RALYL: variants seen among roughly 807,000 people sequenced by gnomAD.
RALYL encodes RALY RNA binding protein like.
A neutral mutation model predicts 35.1 loss-of-function variants in RALYL; 29 were observed. That is an observed-to-expected ratio of 0.83 (90% CI 0.61 to 1.13). The LOEUF is 1.13. RALYL is among the 50% of genes most tolerant of loss of function. The pLI is 0.00. For missense variants in RALYL, 359 were observed against 360.4 expected, an observed-to-expected ratio of 1.00 and a Z score of 0.03; for synonymous variants, 120 against 127.6, an observed-to-expected ratio of 0.94 and a Z score of 0.40.
chr8:84,824,087 A>G (rs1256539260), intron 4 of RALYL, among the ~76,000 whole-genome samples: 2 of 152,156 alleles, frequency 1.3e-5, no homozygotes, highest in African/African-American at 4.8e-5. Flanking sequence ...AGATGACAAG[A>G]TTTTATACCT....
At chr8:84,907,325 C>CACACAA (rs1846693036) in intron 8 of RALYL, among the ~76,000 whole-genome samples, 1 of 149,434 alleles carries the variant, frequency 6.7e-6, no homozygotes, top group Non-Finnish European at 1.5e-5. Flanking sequence ...CACACACACA[C>CACACAA]ACACACACAC....
At chr8:84,396,844 G>A (rs1053906504) in intron 1 of RALYL, among the ~76,000 whole-genome samples, 4 of 152,020 alleles carry the variant, frequency 2.6e-5, no homozygotes, top group Admixed American at 2.6e-4. Flanking sequence ...ATAATCAAGG[G>A]CCTAACATCT....
intron 1 of RALYL, among the ~76,000 whole-genome samples, chr8:84,501,948 G>A (rs747726649): frequency 6.6e-5 from 10 of 151,396 alleles, no homozygotes; most frequent in Non-Finnish European, 1.3e-4. Flanking sequence ...TGAAGCCTTA[G>A]ACCATTGAAA....
chr8:84,431,363 T>G (rs2047121946), intron 1 of RALYL, among the ~76,000 whole-genome samples: 1 of 152,130 alleles, frequency 6.6e-6, no homozygotes, highest in Non-Finnish European at 1.5e-5. Context: ...TTAGGATTTT[T>G]TTTTCGTTCA....
intron 2 of RALYL, among the ~76,000 whole-genome samples, chr8:84,569,321 T>A (rs1332834544): frequency 6.6e-6 from 1 of 152,126 alleles, no homozygotes; most frequent in African/African-American, 2.4e-5. Flanking sequence ...TCCCCATTTC[T>A]TGTTTTTCTC....
At position 84,544,214 on chromosome 8, in the gene RALYL, T is replaced by G. The variant is rs191373178; in HGVS notation, c.256+14637T>G. 2.2e-3 allele frequency among the ~76,000 whole-genome samples: 332 copies of G among 152,090 alleles called. 1 individual carries two copies. Among genetic ancestry groups the G allele is most frequent in the Non-Finnish European group, 3.4e-3 (233 of 67,878 alleles). On this transcript the variant is annotated intron_variant, in intron 2 of 8. Coordinates refer to ENST00000521268, the MANE Select transcript of RALYL (RefSeq NM_173848.7). The stretch of plus-strand genomic sequence containing the variant: ...GATTATTATACTTGCTTTTCTTTAA[T>G]TTTTTACAACCATATATGATACTTA...
intron 4 of RALYL, among the ~76,000 whole-genome samples, chr8:84,817,588 C>T (rs1043925064): frequency 2.0e-5 from 3 of 151,518 alleles, no homozygotes; most frequent in Admixed American, 2.0e-4. Context: ...CAGGGTCTTA[C>T]TCCATCTCCC....
intron 2 of RALYL, among the ~76,000 whole-genome samples, chr8:84,664,240 T>C (rs901597171): frequency 1.4e-5 from 2 of 144,554 alleles, no homozygotes; most frequent in African/African-American, 5.1e-5. Flanking sequence ...TGAAGTCAGG[T>C]AGCGTGAGTG....
rs1396591812 is a variant in RALYL, at chr8:84,384,443, C to A, written c.-23-144856C>A. Among the ~76,000 whole-genome samples, 4 of 151,728 alleles carry A rather than the reference C, an allele frequency of 2.6e-5. No homozygotes were observed. In the East Asian group the frequency reaches 7.8e-4, roughly 29 times the overall value. Reference sequence around the variant, plus strand: ...TTTTATCATGTGACTCTATTTTAATCAACGACAAATGCATTTTCATGAAAG... The same window carrying A: ...TTTTATCATGTGACTCTATTTTAATAAACGACAAATGCATTTTCATGAAAG... On this transcript the variant is annotated intron_variant, in intron 1 of 8. Coordinates refer to ENST00000521268, the MANE Select transcript of RALYL (RefSeq NM_173848.7).
intron 1 of RALYL, among the ~76,000 whole-genome samples, chr8:84,398,501 G>A (rs1176245754): frequency 3.3e-5 from 5 of 151,936 alleles, no homozygotes; most frequent in African/African-American, 9.7e-5. Flanking sequence ...AAAACTCAAC[G>A]TAAGACCCTT....
intron 1 of RALYL, among the ~76,000 whole-genome samples, chr8:84,375,088 A>G (rs999164773): frequency 2.0e-5 from 3 of 151,872 alleles, no homozygotes; most frequent in East Asian, 1.9e-4. Flanking sequence ...GATACATAAG[A>G]TATTTTGATA....
rs576153915 is a variant in RALYL at position 84,720,278 on chromosome 8, C to A, written c.257-54301C>A. ...AAATATACTACAAAACTACAGTAAT[C>A]CAAACAGCATGGTACTGTCATAAAA... is the stretch of plus-strand genomic sequence containing the variant. On this transcript the variant is annotated intron_variant, in intron 2 of 8. Coordinates refer to ENST00000521268, the MANE Select transcript of RALYL (RefSeq NM_173848.7). Among the ~76,000 whole-genome samples the A allele has an allele frequency of 1.2e-4, 19 of 152,170 alleles. No individual in the cohort carries two copies. The South Asian group carries it at 3.3e-3, about 27-fold the overall frequency.
chr8:84,503,323 T>G (rs1335749535), intron 1 of RALYL, among the ~76,000 whole-genome samples: 1 of 149,200 alleles, frequency 6.7e-6, no homozygotes, highest in Non-Finnish European at 1.5e-5. Flanking sequence ...CTGGCTAATT[T>G]TTTTTTTTTT....
At chr8:84,543,849 A>G (rs1444183649) in intron 2 of RALYL, among the ~76,000 whole-genome samples, 1 of 152,082 alleles carries the variant, frequency 6.6e-6, no homozygotes, top group Non-Finnish European at 1.5e-5. Context: ...TACTATTTAG[A>G]TCCAATATTC....
chr8:84,462,757 CTG>C (rs779855119), intron 1 of RALYL, among the ~76,000 whole-genome samples: 15 of 151,710 alleles, frequency 9.9e-5, no homozygotes, highest in Non-Finnish European at 1.8e-4. Context: ...TCTCTCTACT[CTG>C]TTTCCTCCAA....
intron 2 of RALYL, among the ~76,000 whole-genome samples, chr8:84,737,575 A>T (rs1847541504): frequency 6.6e-6 from 1 of 152,034 alleles, no homozygotes; most frequent in Non-Finnish European, 1.5e-5. Flanking sequence ...GCCTAACTTT[A>T]AATCTAGTTT....
intron 1 of RALYL, among the ~76,000 whole-genome samples, chr8:84,202,589 G>T (rs1586142544): frequency 6.6e-6 from 1 of 151,962 alleles, no homozygotes; most frequent in African/African-American, 2.4e-5. Flanking sequence ...GGCCAGGCTG[G>T]TCTTGAATTC....
At chr8:84,694,835 A>G (rs1589056456) in intron 2 of RALYL, among the ~76,000 whole-genome samples, 2 of 151,954 alleles carry the variant, frequency 1.3e-5, no homozygotes, top group Admixed American at 1.3e-4. Flanking sequence ...TGTTTTTTGT[A>G]TATGTTGTAT....
intron 2 of RALYL, among the ~76,000 whole-genome samples, chr8:84,744,002 T>G (rs189280136): frequency 2.6e-5 from 4 of 152,076 alleles, no homozygotes; most frequent in Non-Finnish European, 5.9e-5. Context: ...ATGAAAAAAA[T>G]TGGAGACGGA....
Sources: gnomAD v4.1 joint callset for allele counts (sites outside exome capture counted in the v4.1 genomes callset) on GRCh38, gnomAD v4.1.1 for gene constraint, MANE v1.5 for transcripts, NCBI Gene and HGNC (gene_info 2026-07-23, HGNC 2026-07-21) for gene names.